The following RCL1 variants were observed in gnomAD, a reference collection of about 807,000 sequenced individuals.
RCL1 encodes RNA 3'-terminal phosphate cyclase-like protein.
RCL1 carries 24 observed loss-of-function variants against 42.4 expected under a neutral mutation model. The ratio of observed to expected loss-of-function variants is 0.57; its 90% CI spans 0.41 to 0.80. The LOEUF is 0.80. Among genes scored for constraint, RCL1 ranks in the 30% least tolerant of loss-of-function variants. RCL1 has a pLI of 0.00. For missense variants in RCL1, 578 were observed against 467.9 expected, an observed-to-expected ratio of 1.24 and a Z score of -2.17; for synonymous variants, 228 against 177.3, an observed-to-expected ratio of 1.29 and a Z score of -2.27.
At chr9:4,807,582 T>G (rs1402670487) in intron 1 of RCL1, among the ~76,000 whole-genome samples, 7 of 152,204 alleles carry the variant, frequency 4.6e-5, no homozygotes, top group African/African-American at 1.7e-4. Flanking sequence ...TGCAATGGCA[T>G]GATCTCAGCT....
chr9:4,824,898 C>G, intron 2 of RCL1, among the ~76,000 whole-genome samples: 1 of 152,106 alleles, frequency 6.6e-6, no homozygotes, highest in East Asian at 1.9e-4. Context: ...ATCCAGAAGA[C>G]GGATAATTCT....
rs191203824 is a variant in RCL1, at chr9:4,811,869, T to C, written c.137-11679T>C. On this transcript the variant is annotated intron_variant, in intron 1 of 8. Transcript: ENST00000381750. ...ATCCTTGCCATCATTTGTTATTTTT[T>C]GTCTTTTTAATAATTGCCATTCTAA... is the stretch of plus-strand genomic sequence containing the variant. Among the ~76,000 whole-genome samples, 540 of 152,356 alleles carry C rather than the reference T, an allele frequency of 3.5e-3. 1 individual carries two copies. Among genetic ancestry groups the C allele is most frequent in the Admixed American group, 9.9e-3 (151 of 15,310 alleles).
chr9:4,797,915 C>T (rs1357377590), intron 1 of RCL1, among the ~76,000 whole-genome samples: 1 of 152,130 alleles, frequency 6.6e-6, no homozygotes, highest in Non-Finnish European at 1.5e-5. Context: ...TATAATTGTC[C>T]AGCCACATGT....
intron 1 of RCL1, among the ~76,000 whole-genome samples, chr9:4,818,084 C>T (rs908912744): frequency 2.6e-5 from 4 of 151,882 alleles, no homozygotes; most frequent in East Asian, 1.9e-4. Context: ...CCTTGCCCAG[C>T]TCATTTTTGT....
At chr9:4,804,620 T>G (rs1843067722) in intron 1 of RCL1, 2 of 152,898 alleles carry the variant, frequency 1.3e-5, no homozygotes, top group African/African-American at 4.8e-5. Context: ...CACTCCCGGC[T>G]GTAGAGGAGG....
intron 1 of RCL1, among the ~76,000 whole-genome samples, chr9:4,819,356 G>C (rs927878539): frequency 1.3e-5 from 2 of 152,222 alleles, no homozygotes. Flanking sequence ...CAAAAGGTTG[G>C]AGAGTGCTGG....
At chr9:4,818,560 C>A (rs1441989156) in intron 1 of RCL1, among the ~76,000 whole-genome samples, 2 of 152,184 alleles carry the variant, frequency 1.3e-5, no homozygotes, top group South Asian at 4.1e-4. Context: ...TAACAGCTCA[C>A]TGTCTTGTCT....
intron 4 of RCL1, 109 bp from the exon 5 acceptor site, chr9:4,834,032 C>G: frequency 8.2e-7 from 1 of 1,214,164 alleles, no homozygotes; most frequent in Non-Finnish European, 1.1e-6. Context: ...TATGGAAGAG[C>G]TATGCCTTGT....
intron 3 of RCL1, among the ~76,000 whole-genome samples, chr9:4,827,865 A>T (rs1472234312): frequency 1.3e-5 from 2 of 151,626 alleles, no homozygotes; most frequent in African/African-American, 2.4e-5. Flanking sequence ...CTGCTTTTGG[A>T]TGCTCTGCTG....
rs775801303 is a variant in RCL1 at position 4,844,530 on chromosome 9, C to T, written c.716C>T (p.Pro239Leu). 1.6e-5 allele frequency: 25 copies of T among 1,610,566 alleles called. No homozygotes were observed. Among genetic ancestry groups the T allele is most frequent in the East Asian group, 6.7e-5 (3 of 44,770 alleles). Residue 239 changes from proline to leucine, a missense_variant, in exon 7 of 9, where the codon CCG (proline) becomes CTG (leucine). Pro to Leu is a moderately conservative substitution (Grantham distance 98, BLOSUM62 -3). Coordinates refer to ENST00000381750, the MANE Select transcript of RCL1 (RefSeq NM_005772.5). ...HMKGVNSGKS[P>L]GFGLSLVAET... The stretch of plus-strand genomic sequence containing the variant: ...TTGTGCCTTTGTATCTCCAGGTCTC[C>T]GGGCTTTGGGTTGTCACTGGTTGCT...
chr9:4,815,272 A>C (rs1408905698), intron 1 of RCL1, among the ~76,000 whole-genome samples: 1 of 152,076 alleles, frequency 6.6e-6, no homozygotes, highest in Non-Finnish European at 1.5e-5. Context: ...GATTTCCTGT[A>C]AGTCTTGTAG....
chr9:4,843,695 G>A, intron 6 of RCL1, among the ~76,000 whole-genome samples: 1 of 152,188 alleles, frequency 6.6e-6, no homozygotes, highest in East Asian at 1.9e-4. Context: ...AAATTCTTGG[G>A]AAATGCAGGT....
At chr9:4,795,321 G>A (rs1842896807) in intron 1 of RCL1, among the ~76,000 whole-genome samples, 1 of 152,160 alleles carries the variant, frequency 6.6e-6, no homozygotes, top group Non-Finnish European at 1.5e-5. Context: ...GACCTCAGGT[G>A]ATCCGCCTGC....
chr9:4,857,329 C>T (rs781564789), intron 8 of RCL1, among the ~76,000 whole-genome samples: 20 of 152,128 alleles, frequency 1.3e-4, no homozygotes, highest in Non-Finnish European at 2.2e-4. Context: ...CCTGTTGTGG[C>T]TTTTTCATAT....
chr9:4,829,083 C>T (rs1222152429), intron 3 of RCL1, among the ~76,000 whole-genome samples: 2 of 152,304 alleles, frequency 1.3e-5, no homozygotes, highest in Non-Finnish European at 2.9e-5. Context: ...TTAACAAACT[C>T]CTAGTCTCGT....
intron 3 of RCL1, chr9:4,827,289 C>G (rs1816796115): frequency 3.1e-6 from 4 of 1,277,624 alleles, no homozygotes; most frequent in Admixed American, 2.7e-5. Context: ...AACAGATGCT[C>G]TCCGTCTCAT....
At chr9:4,859,148 G>A (rs1166109457) in intron 8 of RCL1, among the ~76,000 whole-genome samples, 1 of 152,204 alleles carries the variant, frequency 6.6e-6, no homozygotes, top group Non-Finnish European at 1.5e-5. Context: ...ACCATTAGAA[G>A]CCTGTGCACC....
At chr9:4,850,490 TTTC>T (rs1386550717) in intron 8 of RCL1, 23 of 150,964 alleles carry the variant, frequency 1.5e-4, no homozygotes, top group East Asian at 4.8e-4. Context: ...GGCTTTTTTT[TTTC>T]TTTTTTTTTT....
intron 8 of RCL1, among the ~76,000 whole-genome samples, chr9:4,859,450 A>T (rs1818083193): frequency 6.6e-6 from 1 of 152,070 alleles, no homozygotes; most frequent in Non-Finnish European, 1.5e-5. Context: ...AAGGATTTTT[A>T]TTTTTATTTT....
Sources: gnomAD v4.1 joint callset for allele counts (sites outside exome capture counted in the v4.1 genomes callset) on GRCh38, gnomAD v4.1.1 for gene constraint, MANE v1.5 for transcripts, NCBI Gene and HGNC (gene_info 2026-07-23, HGNC 2026-07-21) for gene names.